Variants in PBRM1 observed in about 807,000 individuals in gnomAD.
The protein encoded by PBRM1 is protein polybromo-1.
A neutral mutation model predicts 194.5 loss-of-function variants in PBRM1; 27 were observed. The observed-to-expected ratio is 0.14, with a 90% CI of 0.10 to 0.19. The LOEUF is 0.19. PBRM1 is among the 10% of genes least tolerant of loss of function. PBRM1 has a pLI of 1.00. For missense variants in PBRM1, 1,466 were observed against 2,077.2 expected (o/e 0.71, Z 5.72); for synonymous variants, 655 against 693.2 (o/e 0.94, Z 0.87).
intron 12 of PBRM1, among the ~76,000 whole-genome samples, chr3:52,627,624 G>T (rs35249778): frequency 6.6e-6 from 1 of 151,966 alleles, no homozygotes; most frequent in Non-Finnish European, 1.5e-5. Context: ...GACTATAATG[G>T]GTGCTAACTG....
intron 2 of PBRM1, among the ~76,000 whole-genome samples, chr3:52,676,454 C>A (rs1027993458): frequency 1.3e-5 from 2 of 152,128 alleles, no homozygotes; most frequent in Non-Finnish European, 2.9e-5. Context: ...TTGCTTCTTG[C>A]TTATTTTTCT....
chr3:52,609,154 CACTCTT>C lies in PBRM1; in HGVS notation c.2567+153_2567+158del. ...CCTTCTCTCCCCCACAGAATATACT[CACTCTT>C]AAGAAGTTCTGGCTGATTAGAATTC... On this transcript the variant is annotated intron_variant, in intron 16 of 29. Transcript: ENST00000296302. The surrounding 1 kb of genome is among the most constrained non-coding windows in gnomAD (Gnocchi z 4.1). 1.6e-6 allele frequency: 1 copy of C among 618,718 alleles called. No homozygotes were observed. Among genetic ancestry groups the C allele is most frequent in the South Asian group, 2.1e-5 (1 of 48,512 alleles). The allele number at this position is 618,718 out of a possible 1,614,324, so 38.3% of individuals were successfully genotyped here. A position where few individuals can be genotyped will look rare whatever the true frequency, so the allele number is the denominator to read the frequency against.
At chr3:52,604,810 A>C (rs938167130) in intron 16 of PBRM1, among the ~76,000 whole-genome samples, 1 of 152,098 alleles carries the variant, frequency 6.6e-6, no homozygotes, top group African/African-American at 2.4e-5. Flanking sequence ...CTGAAAATAC[A>C]AAAACTGATG....
chr3:52,669,332 T>A (rs2096903126), intron 2 of PBRM1, among the ~76,000 whole-genome samples: 1 of 152,190 alleles, frequency 6.6e-6, no homozygotes, highest in Admixed American at 6.5e-5. Context: ...AGAAACTTTG[T>A]AGGTAATTAT....
In PBRM1 at chr3:52,610,116, AT is replaced by A. The variant is rs927351748; in HGVS notation, c.1925-162del. ...ACCTGCAGACAAAAAAGTACTAAAA[AT>A]TTTTTTTAACTGTTTTCAGTAATTA... On this transcript the variant is annotated intron_variant, in intron 15 of 29. Transcript: ENST00000296302. Among the ~76,000 whole-genome samples the A allele has an allele frequency of 1.5e-4, 23 of 152,226 alleles. 1 individual carries two copies. The highest frequency in any genetic ancestry group is 1.1e-3 in the Admixed American group (17 of 15,268).
At chr3:52,613,560 T>C (rs1048344413) in intron 15 of PBRM1, among the ~76,000 whole-genome samples, 4 of 151,762 alleles carry the variant, frequency 2.6e-5, no homozygotes, top group Admixed American at 1.3e-4. Flanking sequence ...CCCAGGCTGG[T>C]CTCAAACTCC....
At chr3:52,582,071 C>T (rs1010769749) in intron 20 of PBRM1, among the ~76,000 whole-genome samples, 6 of 151,522 alleles carry the variant, frequency 4.0e-5, no homozygotes, top group Non-Finnish European at 8.8e-5. Context: ...GGTAGAAATC[C>T]GTCTCTACTA....
intron 16 of PBRM1, among the ~76,000 whole-genome samples, chr3:52,608,773 A>C (rs2094473036): frequency 6.6e-6 from 1 of 152,124 alleles, no homozygotes; most frequent in African/African-American, 2.4e-5. Flanking sequence ...ATTTAAGTTT[A>C]AAGTAAATCT....
downstream of PBRM1, chr3:52,547,953 A>G (rs2079890955): frequency 1.2e-6 from 1 of 852,256 alleles, no homozygotes; most frequent in Admixed American, 2.8e-5. Flanking sequence ...GTACAGTAAA[A>G]TGCAATAAAA....
intron 13 of PBRM1, among the ~76,000 whole-genome samples, chr3:52,622,379 G>A (rs575855230): frequency 5.3e-5 from 8 of 152,094 alleles, no homozygotes; most frequent in African/African-American, 1.9e-4. Context: ...TACTTAGGAG[G>A]ACAACAATTC....
intron 1 of PBRM1, 127 bp downstream of exon 1, chr3:52,685,622 G>GCCCGA (rs2097301198): frequency 6.8e-6 from 1 of 147,922 alleles, no homozygotes; most frequent in African/African-American, 2.5e-5. Flanking sequence ...CGCGCGCCCG[G>GCCCGA]CCCGACCCGC....
At chr3:52,657,414 G>C (rs1031622044) in intron 5 of PBRM1, among the ~76,000 whole-genome samples, 1 of 152,018 alleles carries the variant, frequency 6.6e-6, no homozygotes, top group Non-Finnish European at 1.5e-5. Flanking sequence ...ATGATAGACC[G>C]TATACATTTT....
At chr3:52,588,557 T>C (rs1221515792) in intron 18 of PBRM1, among the ~76,000 whole-genome samples, 8 of 116,124 alleles carry the variant, frequency 6.9e-5, no homozygotes, top group Admixed American at 1.7e-4. Flanking sequence ...TCTTTCTTTT[T>C]TTTTTTTTTT....
rs1255162731 is a variant in PBRM1, at chr3:52,556,410, T to C, written c.4454-1531A>G. Reference sequence around the variant, plus strand: ...CTTAATTAAACATGAAGAGATCCAATGCTACCAATCTTTTAACCACACCAC... The same window carrying C: ...CTTAATTAAACATGAAGAGATCCAACGCTACCAATCTTTTAACCACACCAC... On this transcript the variant is annotated intron_variant, in intron 26 of 29. Transcript: ENST00000296302. 9.9e-5 allele frequency among the ~76,000 whole-genome samples: 15 copies of C among 152,212 alleles called. 1 individual carries two copies. The highest frequency in any genetic ancestry group is 1.5e-5 in the Non-Finnish European group (1 of 68,040).
intron 18 of PBRM1, 105 bp from the exon 21 acceptor site, chr3:52,587,615 G>GCCCAT (rs1478580523): frequency 1.2e-6 from 1 of 825,982 alleles, no homozygotes; most frequent in African/African-American, 1.9e-5. Flanking sequence ...TCACTACGTT[G>GCCCAT]CCCAGGCTGG....
At chr3:52,655,468 C>T (rs2096591720) in intron 5 of PBRM1, among the ~76,000 whole-genome samples, 1 of 152,180 alleles carries the variant, frequency 6.6e-6, no homozygotes, top group African/African-American at 2.4e-5. Flanking sequence ...CATTCATTCA[C>T]TGATGGACAC....
chr3:52,557,946 C>A (rs1233939947), intron 26 of PBRM1, among the ~76,000 whole-genome samples: 1 of 152,186 alleles, frequency 6.6e-6, no homozygotes, highest in Non-Finnish European at 1.5e-5. Context: ...GGTCTACTTT[C>A]ATATTTTCTG....
chr3:52,674,496 A>AAAG lies in PBRM1; in HGVS notation c.236+4003_236+4004insCTT, dbSNP rs1553891667. Among the ~76,000 whole-genome samples, 619 of 138,168 alleles carry AAAG rather than the reference A, an allele frequency of 4.5e-3. 7 individuals carry two copies. The highest frequency in any genetic ancestry group is 0.012 in the African/African-American group (446 of 38,126). 90.6% of individuals were successfully genotyped at this position (138,168 alleles called of 152,430 possible). On this transcript the variant is annotated intron_variant, in intron 2 of 29. Coordinates refer to ENST00000296302, the Ensembl canonical transcript of PBRM1. ...CTCCATCTCAAAAAAAAAAAAAAAA[A>AAAG]AGAGAGAGAGAGGCTGGGTGTGGTG...
exon 24 of PBRM1, chr3:52,563,480 G>A (rs776550567): frequency 6.2e-7 from 1 of 1,613,480 alleles, no homozygotes; most frequent in African/African-American, 1.3e-5. Flanking sequence ...TCCTTCTGAG[G>A]AACAATTGGT....
Sources: gnomAD v4.1 joint callset for allele counts (sites outside exome capture counted in the v4.1 genomes callset) on GRCh38, gnomAD v4.1.1 for gene constraint, Gnocchi (gnomAD v3.1) non-coding constraint, MANE v1.5 for transcripts, NCBI Gene and HGNC (gene_info 2026-07-23, HGNC 2026-07-21) for gene names.